Variants in TRIM36 observed in about 807,000 individuals in gnomAD.
TRIM36 encodes the protein E3 ubiquitin-protein ligase TRIM36.
Under a neutral mutation model 72.4 loss-of-function variants are expected in TRIM36, and 42 were observed. That is an observed-to-expected ratio of 0.58 (90% CI 0.45 to 0.75). The LOEUF is 0.75. Among genes scored for constraint, TRIM36 ranks in the 30% least tolerant of loss-of-function variants. The pLI is 0.00. For synonymous variants in TRIM36, 315 were observed against 282.8 expected (o/e 1.11, Z -1.14); for missense variants, 913 against 857.1 (o/e 1.07, Z -0.81).
intron 1 of TRIM36, among the ~76,000 whole-genome samples, chr5:115,178,450 C>T (rs1755448836): frequency 6.6e-6 from 1 of 152,160 alleles, no homozygotes; most frequent in Non-Finnish European, 1.5e-5. Context: ...TTCTGGCCCT[C>T]CTCTGGTTGC....
At chr5:115,151,447 C>G (rs888110470) in intron 2 of TRIM36, among the ~76,000 whole-genome samples, 4 of 152,158 alleles carry the variant, frequency 2.6e-5, no homozygotes, top group African/African-American at 9.7e-5. Context: ...CCCTACCTAC[C>G]CTGGTAACTG....
Position 115,163,499 on chromosome 5 carries a change from C to T in TRIM36, c.262+19G>A. The T allele has an allele frequency of 6.2e-7, 1 of 1,606,208 alleles. No homozygotes were observed. Among genetic ancestry groups the T allele is most frequent in the Non-Finnish European group, 8.5e-7 (1 of 1,172,896 alleles). On this transcript the variant is annotated intron_variant, in intron 2 of 9. Transcript: ENST00000513154. ...AGCTTACCCCCACTACCATCCCAGC[C>T]CACAGTTCTAACACATACCTGGTCT...
At position 115,163,551 on chromosome 5, in the gene TRIM36, T is replaced by C. The variant is rs143006774; in HGVS notation, c.229A>G (p.Ser77Gly). The change falls in exon 2 of 10, where the codon AGT (serine) becomes GGT (glycine). Residue 77 changes from serine (S) to glycine (G), a missense_variant. Ser to Gly is a moderately conservative substitution (Grantham distance 56). Coordinates refer to ENST00000513154, the MANE Select transcript of TRIM36 (RefSeq NM_001300759.2). ...SSPRLRLPSPSMDKIDRINRP... is the reference protein window; with the variant it reads ...SSPRLRLPSPGMDKIDRINRP... ...TTAATTCGGTCAATTTTATCCATAC[T>C]AGGGGAGGGGAGCCGAAGTCGAGGA... 2.4e-5 allele frequency: 38 copies of C among 1,614,168 alleles called. No individual in the cohort carries two copies. The highest frequency in any genetic ancestry group is 3.0e-5 in the Non-Finnish European group (35 of 1,180,030).
Position 115,134,017 on chromosome 5 carries a change from A to T in TRIM36, c.1341T>A (p.Asp447Glu). The T allele has an allele frequency of 6.2e-7, 1 of 1,613,956 alleles. No homozygotes were observed. Among genetic ancestry groups the T allele is most frequent in the South Asian group, 1.1e-5 (1 of 91,066 alleles). The change falls in exon 8 of 10, where the codon GAT becomes GAA. Residue 447 changes from aspartate to glutamate, a missense_variant. Physicochemically the swap from Asp to Glu is conservative, Grantham distance 45 (BLOSUM62 2). Transcript: ENST00000513154. ...CTTCTATCTCATTCCATGACATTTC[A>T]TCATCTCTATTGATTTTCCGATATT... Reference protein sequence around the residue: ...VLEYRKINRDDEMSWNEIEVC... With the variant: ...VLEYRKINRDEEMSWNEIEVC...
chr5:115,156,378 A>G (rs1034214297), intron 2 of TRIM36, among the ~76,000 whole-genome samples: 1 of 152,222 alleles, frequency 6.6e-6, no homozygotes, highest in African/African-American at 2.4e-5. Context: ...AAGCAAAAAG[A>G]ACAAATCTGA....
rs1752347872 is a variant in TRIM36, at chr5:115,126,098, ATATCT to A, written c.*400_*404del. On this transcript the variant is annotated 3_prime_UTR_variant, in exon 10 of 10. Coordinates refer to ENST00000513154, the MANE Select transcript of TRIM36 (RefSeq NM_001300759.2). ...TTCCTATCCATAAGGCATTTAAAAA[ATATCT>A]TCTCTTAGGACATAAACATGATATA... 6.0e-6 allele frequency: 1 copy of A among 166,442 alleles called. No individual in the cohort carries two copies. Among genetic ancestry groups the A allele is most frequent in the East Asian group, 1.6e-4 (1 of 6,106 alleles). 10.3% of individuals were successfully genotyped at this position (166,442 alleles called of 1,614,324 possible).
At position 115,147,193 on chromosome 5, in the gene TRIM36, G is replaced by C. The variant is rs1168907385; in HGVS notation, c.464C>G (p.Ser155Cys). The C allele has an allele frequency of 6.2e-7, 1 of 1,614,168 alleles. No homozygotes were observed. Among genetic ancestry groups the C allele is most frequent in the Non-Finnish European group, 8.5e-7 (1 of 1,180,032 alleles). ...CDLCKPPPQE[S>C]TKSCMDCSAS... ...ACTACAGTCCATGCAGCTTTTTGTG[G>C]ATTCTTGAGGTGGTGGTTTACAAAG... The change falls in exon 3 of 10, where the codon TCC becomes TGC. Residue 155 changes from serine (S) to cysteine (C), a missense_variant. Coordinates refer to ENST00000513154, the MANE Select transcript of TRIM36 (RefSeq NM_001300759.2).
intron 3 of TRIM36, among the ~76,000 whole-genome samples, chr5:115,146,296 T>C (rs576220833): frequency 1.7e-4 from 26 of 152,252 alleles, no homozygotes; most frequent in Middle Eastern, 3.4e-3. Context: ...ACTTTTGAGA[T>C]TTTTTTCCCC....
intron 7 of TRIM36, among the ~76,000 whole-genome samples, chr5:115,134,884 G>C (rs1046053522): frequency 2.6e-5 from 4 of 152,152 alleles, no homozygotes; most frequent in Non-Finnish European, 4.4e-5. Flanking sequence ...TTATTCTGTA[G>C]AGTTGCAAAG....
At chr5:115,161,827 T>C (rs1016008383) in intron 2 of TRIM36, among the ~76,000 whole-genome samples, 1 of 151,172 alleles carries the variant, frequency 6.6e-6, no homozygotes, top group African/African-American at 2.4e-5. Flanking sequence ...TGTCTCCATA[T>C]TTACAGCGAA....
At chr5:115,131,610 A>T (rs66584770) in intron 8 of TRIM36, among the ~76,000 whole-genome samples, 45,029 of 152,178 alleles carry the variant, frequency 0.3, 6,780 homozygotes, top group Middle Eastern at 0.34. Context: ...GTATATACAT[A>T]CAATGGAATA....
In TRIM36 at chr5:115,125,987, C is replaced by T. The variant is rs1431249841; in HGVS notation, c.*516G>A. ...CATAATTTTCCACTTAAATATACTA[C>T]CACTTTTATGGTGTTTTTCTTTTAA... On this transcript the variant is annotated 3_prime_UTR_variant, in exon 10 of 10. Transcript: ENST00000513154. 6.6e-6 allele frequency: 1 copy of T among 152,402 alleles called. No individual in the cohort carries two copies. The highest frequency in any genetic ancestry group is 2.1e-4 in the South Asian group (1 of 4,840). 9.4% of individuals were successfully genotyped at this position (152,402 alleles called of 1,614,324 possible).
chr5:115,164,833 C>T (rs940572122), intron 1 of TRIM36, among the ~76,000 whole-genome samples: 3 of 152,228 alleles, frequency 2.0e-5, no homozygotes, highest in African/African-American at 2.4e-5. Flanking sequence ...TGAGACAAAG[C>T]AAGTCCCTTC....
chr5:115,144,456 A>ATTAGGTTG, intron 4 of TRIM36, 142 bp downstream of exon 4: 3 of 986,676 alleles, frequency 3.0e-6, no homozygotes, highest in South Asian at 1.7e-5. Context: ...ACAACCTAAT[A>ATTAGGTTG]TTAGTAGATC....
rs550875557 is a variant in TRIM36 at position 115,179,837 on chromosome 5, G to A, written c.63+138C>T. On this transcript the variant is annotated intron_variant, in intron 1 of 9. Transcript: ENST00000282369. ...GCATTCCGCAGCTGCTGGGACGCCC[G>A]GGCTGCGAGCGCGGCTCCTGGATTC... 44 of 765,586 alleles carry A rather than the reference G, an allele frequency of 5.7e-5. No homozygotes were observed. The Admixed American group carries it at 6.8e-4, about 12-fold the overall frequency. 47.4% of individuals were successfully genotyped at this position (765,586 alleles called of 1,614,324 possible). A position where few individuals can be genotyped will look rare whatever the true frequency, so the allele number is the denominator to read the frequency against.
rs1753083467 is a variant in TRIM36, at chr5:115,138,369, G to T, written c.832-753C>A. On this transcript the variant is annotated intron_variant, in intron 5 of 9. Transcript: ENST00000513154. ...CCGCCTCGGCCTCCCAAAGTGTTGG[G>T]ATTACAAGCATGAGCCACCGCGCCT... Among the ~76,000 whole-genome samples the T allele has an allele frequency of 1.3e-5, 2 of 152,128 alleles. 1 individual carries two copies. The highest frequency in any genetic ancestry group is 4.1e-4 in the South Asian group (2 of 4,822).
chr5:115,130,885 G>A lies in TRIM36; in HGVS notation c.1503C>T (p.Phe501=), dbSNP rs771704931. The change falls in exon 9 of 10, where the codon TTC becomes TTT. Residue 501 remains phenylalanine, a synonymous_variant. Coordinates refer to ENST00000513154, the MANE Select transcript of TRIM36 (RefSeq NM_001300759.2). ...CACATTTTTCATCAAAGAGGAAGCT[G>A]AAAACTAAATGGAGCTTAAAATTAA... The part of the protein sequence containing the change: ...LILHTPPAPV[F]SFLFDEKCGY... The A allele has an allele frequency of 1.2e-6, 2 of 1,605,128 alleles. No individual in the cohort carries two copies. The highest frequency in any genetic ancestry group is 1.1e-5 in the South Asian group (1 of 90,314).
intron 6 of TRIM36, 80 bp downstream of exon 6, chr5:115,137,283 T>G: frequency 6.6e-7 from 1 of 1,521,678 alleles, no homozygotes; most frequent in Non-Finnish European, 8.8e-7. Context: ...TATGGACCAA[T>G]CAGAGCTAAA....
chr5:115,158,345 A>T (rs192362), intron 2 of TRIM36, among the ~76,000 whole-genome samples: 137,754 of 152,288 alleles, frequency 0.9, 62,474 homozygotes, highest in African/African-American at 0.98. Context: ...ACTCTAAAAA[A>T]TTTCAAATTG....
Sources: allele counts gnomAD v4.1 joint callset (sites outside exome capture counted in the v4.1 genomes callset), GRCh38; gene constraint gnomAD v4.1.1; transcripts MANE v1.5; gene names NCBI Gene and HGNC (gene_info 2026-07-23, HGNC 2026-07-21).